The following RSPH10B variants were observed in gnomAD, a reference collection of about 807,000 sequenced individuals.
RSPH10B encodes the protein radial spoke head 10 homolog B, also known as radial spoke head 10 homolog B (Chlamydomonas).
In RSPH10B, 7 loss-of-function variants were observed where a neutral mutation model predicts 52.5. The ratio of observed to expected loss-of-function variants is 0.13; its 90% CI spans 0.08 to 0.25. The LOEUF (loss-of-function observed/expected upper bound fraction) is 0.25. Among genes scored for constraint, RSPH10B ranks in the 10% least tolerant of loss-of-function variants. RSPH10B has a pLI of 1.00. For synonymous variants in RSPH10B, 28 were observed against 193.2 expected (o/e 0.14, Z 7.09); for missense variants, 89 against 542.5 (o/e 0.16, Z 8.30).
intron 17 of RSPH10B, 105 bp from the exon 20 acceptor site, chr7:5,928,499 C>G: frequency 1.3e-6 from 2 of 1,535,988 alleles, no homozygotes; most frequent in Non-Finnish European, 1.8e-6. Context: ...GCCCCCTTCT[C>G]CTCGGCCAGG....
intron 17 of RSPH10B, among the ~76,000 whole-genome samples, chr7:5,929,368 G>A (rs1259304133): frequency 5.1e-5 from 6 of 116,782 alleles, no homozygotes; most frequent in South Asian, 3.2e-4. Flanking sequence ...ACAAGGTTTC[G>A]CTATGTTGCC....
rs1448433105 is a variant in RSPH10B, at chr7:5,961,469, A to G, written c.400-605T>C. Among the ~76,000 whole-genome samples, 16 of 108,450 alleles carry G rather than the reference A, an allele frequency of 1.5e-4. No individual in the cohort carries two copies. In the South Asian group the frequency reaches 4.7e-3, roughly 32 times the overall value. 71.1% of individuals were successfully genotyped at this position (108,450 alleles called of 152,430 possible). ...GTTCTCCTGCCTCAGCCTCCCAAGT[A>G]GCTGGGATTACAGGCACCCATCATC... On this transcript the variant is annotated intron_variant, in intron 3 of 18. Coordinates refer to ENST00000337579, the Ensembl canonical transcript of RSPH10B.
At chr7:5,927,092 G>GTGTT (rs1400164399) in intron 18 of RSPH10B, among the ~76,000 whole-genome samples, 1 of 93,698 alleles carries the variant, frequency 1.1e-5, no homozygotes, top group African/African-American at 4.5e-5. Context: ...GTGTGTGTGT[G>GTGTT]TGTGTATTTT....
At chr7:5,928,756 C>A (rs867789976) in intron 17 of RSPH10B, among the ~76,000 whole-genome samples, 11 of 150,268 alleles carry the variant, frequency 7.3e-5, no homozygotes, top group East Asian at 2.0e-4. Context: ...CTCAGCCTCC[C>A]GAGTAGCTAC....
intron 13 of RSPH10B, among the ~76,000 whole-genome samples, chr7:5,941,367 A>G (rs1419023952): frequency 7.0e-6 from 1 of 141,872 alleles, no homozygotes; most frequent in Admixed American, 7.2e-5. Context: ...TATGTATACA[A>G]CATTATGAAA....
At chr7:5,956,890 T>G (rs1780748387) in intron 6 of RSPH10B, among the ~76,000 whole-genome samples, 1 of 99,206 alleles carries the variant, frequency 1.0e-5, no homozygotes, top group Non-Finnish European at 2.3e-5. Context: ...AGATACCAGT[T>G]GGGCTGGGTG....
chr7:5,941,531 T>C lies in RSPH10B; in HGVS notation c.1758+1793A>G, dbSNP rs1245867193. 2.0e-5 allele frequency among the ~76,000 whole-genome samples: 3 copies of C among 149,378 alleles called. No individual in the cohort carries two copies. In the East Asian group the frequency reaches 5.8e-4, roughly 29 times the overall value. ...AGTCCGACACGGGCGGATCACGAGG[T>C]CAAGAGATTGAGATCATCCTTGCTA... is the stretch of plus-strand genomic sequence containing the variant. On this transcript the variant is annotated intron_variant, in intron 13 of 18. Coordinates refer to ENST00000337579, the Ensembl canonical transcript of RSPH10B.
Position 5,942,926 on chromosome 7 carries a change from A to ATTT in RSPH10B, c.1758+395_1758+397dup, listed in dbSNP as rs10616078. ...TATATATTTATTTATATATATATAT[A>ATTT]TTTTTTTTTAAGACAATGGCCCATG... On this transcript the variant is annotated intron_variant, in intron 13 of 18. Transcript: ENST00000337579. Among the ~76,000 whole-genome samples, 98 of 141,038 alleles carry ATTT rather than the reference A, an allele frequency of 6.9e-4. 1 individual carries two copies. Among genetic ancestry groups the ATTT allele is most frequent in the African/African-American group, 2.5e-3 (95 of 38,322 alleles). 92.5% of individuals were successfully genotyped at this position (141,038 alleles called of 152,430 possible).
Position 5,966,421 on chromosome 7 carries a change from AG to A in RSPH10B, c.254+441del, listed in dbSNP as rs1483981076. On this transcript the variant is annotated intron_variant, in intron 1 of 18. Coordinates refer to ENST00000337579, the Ensembl canonical transcript of RSPH10B. ...GGGCTTACTTAGAAGCCCAAACCTC[AG>A]CATCACACAACATGCCCATGTAACA... Among the ~76,000 whole-genome samples, 2 of 117,964 alleles carry A rather than the reference AG, an allele frequency of 1.7e-5. 1 individual carries two copies. Among genetic ancestry groups the A allele is most frequent in the Non-Finnish European group, 3.7e-5 (2 of 54,290 alleles). The allele number at this position is 117,964 out of a possible 152,430, so 77.4% of individuals were successfully genotyped here.
intron 13 of RSPH10B, among the ~76,000 whole-genome samples, chr7:5,941,662 T>C (rs1780195046): frequency 1.4e-5 from 2 of 144,008 alleles, no homozygotes. Flanking sequence ...GAGAATTGCT[T>C]GAACCCGGGA....
intron 18 of RSPH10B, among the ~76,000 whole-genome samples, chr7:5,927,064 G>GTATATTA: frequency 9.6e-6 from 1 of 103,884 alleles, no homozygotes; most frequent in Non-Finnish European, 2.1e-5. Flanking sequence ...GTGTGTGTGT[G>GTATATTA]TGTATATGTG....
intron 2 of RSPH10B, among the ~76,000 whole-genome samples, chr7:5,964,825 GCT>G (rs1445934578): frequency 6.6e-6 from 1 of 150,622 alleles, no homozygotes; most frequent in East Asian, 1.9e-4. Flanking sequence ...TGTTGGCCAG[GCT>G]GGTCTTGAAA....
chr7:5,929,383 G>A lies in RSPH10B; in HGVS notation c.2234-989C>T, dbSNP rs550302023. 9.4e-4 allele frequency among the ~76,000 whole-genome samples: 106 copies of A among 113,214 alleles called. 1 individual carries two copies. Among genetic ancestry groups the A allele is most frequent in the African/African-American group, 3.7e-3 (99 of 26,870 alleles). The allele number at this position is 113,214 out of a possible 152,430, so 74.3% of individuals were successfully genotyped here. ...ACAAGGTTTCGCTATGTTGCCCATGGTCTCAAACTCCTGAGCTCTAGTAAT... is the reference window on the plus strand; with the variant it reads ...ACAAGGTTTCGCTATGTTGCCCATGATCTCAAACTCCTGAGCTCTAGTAAT... On this transcript the variant is annotated intron_variant, in intron 17 of 18. Coordinates refer to ENST00000337579, the Ensembl canonical transcript of RSPH10B.
intron 17 of RSPH10B, among the ~76,000 whole-genome samples, chr7:5,931,745 A>C (rs1259993764): frequency 6.6e-6 from 1 of 151,252 alleles, no homozygotes; most frequent in African/African-American, 2.4e-5. Context: ...TCACACCTGT[A>C]ATCTCAGTAC....
chr7:5,955,228 C>G (rs1463790081), intron 7 of RSPH10B, among the ~76,000 whole-genome samples: 6 of 111,712 alleles, frequency 5.4e-5, no homozygotes, highest in African/African-American at 1.9e-4. Context: ...CTATACAAAA[C>G]AGATAATGTA....
rs1343379618 is a variant in RSPH10B, at chr7:5,940,954, T to A, written c.1759-2125A>T. ...TAATAATAATAATAATTATTATTAT[T>A]ATTATTATTATTATTATTCAATGGG... is the stretch of plus-strand genomic sequence containing the variant. On this transcript the variant is annotated intron_variant, in intron 13 of 18. Coordinates refer to ENST00000337579, the Ensembl canonical transcript of RSPH10B. 1.7e-3 allele frequency among the ~76,000 whole-genome samples: 150 copies of A among 87,590 alleles called. 8 individuals are homozygous for A. Among genetic ancestry groups the A allele is most frequent in the African/African-American group, 5.0e-3 (127 of 25,526 alleles). 57.5% of individuals were successfully genotyped at this position (87,590 alleles called of 152,430 possible).
chr7:5,927,032 T>C (rs1168080695), intron 18 of RSPH10B, among the ~76,000 whole-genome samples: 3 of 42,904 alleles, frequency 7.0e-5, no homozygotes, highest in African/African-American at 3.2e-4. Flanking sequence ...CGTGTGTGTG[T>C]GTGTGTGTGT....
intron 13 of RSPH10B, among the ~76,000 whole-genome samples, chr7:5,939,560 G>T (rs1780080892): frequency 2.9e-5 from 1 of 34,318 alleles, no homozygotes; most frequent in Non-Finnish European, 4.9e-5. Flanking sequence ...CTCCAGCCTG[G>T]GTAACAAAGC....
At chr7:5,954,264 G>C (rs1454059644) in intron 7 of RSPH10B, among the ~76,000 whole-genome samples, 3 of 66,558 alleles carry the variant, frequency 4.5e-5, no homozygotes, top group Non-Finnish European at 8.4e-5. Context: ...TCAGCCTCCC[G>C]AGTGGCTGGG....
Sources: gnomAD v4.1 joint callset for allele counts (sites outside exome capture counted in the v4.1 genomes callset) on GRCh38, gnomAD v4.1.1 for gene constraint, MANE v1.5 for transcripts, NCBI Gene and HGNC (gene_info 2026-07-23, HGNC 2026-07-21) for gene names.